The following MICAL2 variants were observed in gnomAD, a reference collection of about 807,000 sequenced individuals.
MICAL2 encodes [F-actin]-monooxygenase MICAL2.
MICAL2 carries 77 observed loss-of-function variants against 127.3 expected under a neutral mutation model. That is an observed-to-expected ratio of 0.60 (90% CI 0.50 to 0.73). The LOEUF (loss-of-function observed/expected upper bound fraction) is 0.73, where lower values mean the gene tolerates loss of function less well. Among genes scored for constraint, MICAL2 ranks in the 30% least tolerant of loss-of-function variants. The pLI is 0.00. For synonymous variants in MICAL2, 570 were observed against 551.1 expected (o/e 1.03, Z -0.48); for missense variants, 1,351 against 1,434.4 (o/e 0.94, Z 0.94).
intron 32 of MICAL2, among the ~76,000 whole-genome samples, chr11:12,328,852 G>C (rs986842087): frequency 1.3e-5 from 2 of 152,152 alleles, no homozygotes; most frequent in African/African-American, 2.4e-5. Flanking sequence ...CTGAGGCCTG[G>C]AGTTCATGCA....
chr11:12,242,303 C>T lies in MICAL2; in HGVS notation c.2427C>T (p.Ala809=). The change falls in exon 19 of 28, where the codon GCC becomes GCT. Residue 809 remains alanine, a synonymous_variant. Transcript: ENST00000683283. ...AGTGCCTGAGCAGACCTTGGAGAGC[C>T]AGAGCCAAGTCTGACCTACAGCTGG... ...GSECLSRPWR[A]RAKSDLQLGG... is the part of the protein sequence containing the mutation. The T allele has an allele frequency of 6.2e-7, 1 of 1,614,100 alleles. No individual in the cohort carries two copies. Among genetic ancestry groups the T allele is most frequent in the Non-Finnish European group, 8.5e-7 (1 of 1,179,996 alleles).
chr11:12,356,175 T>G (rs1239122497), intron 34 of MICAL2, among the ~76,000 whole-genome samples: 1 of 152,164 alleles, frequency 6.6e-6, no homozygotes, highest in Non-Finnish European at 1.5e-5. Context: ...AGGTCATAGG[T>G]TTTTCTCAAC....
At chr11:12,176,366 C>G (rs1856839384) in intron 3 of MICAL2, among the ~76,000 whole-genome samples, 1 of 152,138 alleles carries the variant, frequency 6.6e-6, no homozygotes, top group South Asian at 2.1e-4. Flanking sequence ...TAGTTGTTAT[C>G]TCATAGGGCT....
intron 2 of MICAL2, among the ~76,000 whole-genome samples, chr11:12,159,124 C>G (rs549475575): frequency 6.6e-6 from 1 of 152,338 alleles, no homozygotes. Context: ...TAGATAAGGG[C>G]TGGTTCCTGG....
intron 32 of MICAL2, among the ~76,000 whole-genome samples, chr11:12,336,360 C>T (rs12223341): frequency 0.12 from 18,858 of 152,174 alleles, 1,454 homozygotes; most frequent in South Asian, 0.22. Flanking sequence ...TGGGCTGAGA[C>T]AATGGGGTTT....
At chr11:12,178,076 G>T (rs1824375651) in intron 3 of MICAL2, among the ~76,000 whole-genome samples, 1 of 152,232 alleles carries the variant, frequency 6.6e-6, no homozygotes, top group South Asian at 2.1e-4. Flanking sequence ...CAGTTTCCAG[G>T]GAGGAGAGAA....
At chr11:12,170,930 AGAGGAG>A (rs1856172045) in intron 3 of MICAL2, among the ~76,000 whole-genome samples, 9 of 152,348 alleles carry the variant, frequency 5.9e-5, no homozygotes, top group African/African-American at 2.2e-4. Context: ...GCACAGGGAT[AGAGGAG>A]CGAACTCTGT....
At chr11:12,247,035 G>A (rs1860851390) in intron 21 of MICAL2, among the ~76,000 whole-genome samples, 1 of 152,190 alleles carries the variant, frequency 6.6e-6, no homozygotes, top group African/African-American at 2.4e-5. Context: ...GGGCTGGAGA[G>A]CTCTTCCTGT....
At chr11:12,349,540 G>A (rs1317715973) in intron 32 of MICAL2, among the ~76,000 whole-genome samples, 4 of 152,154 alleles carry the variant, frequency 2.6e-5, no homozygotes, top group Non-Finnish European at 2.9e-5. Context: ...AAGAATATAC[G>A]AGTAGGCAGG....
rs534154154 is a variant in MICAL2 at position 12,122,650 on chromosome 11, C to A, written c.-149+11924C>A. 1.1e-4 allele frequency among the ~76,000 whole-genome samples: 16 copies of A among 152,266 alleles called. No homozygotes were observed. In the South Asian group the frequency reaches 2.9e-3, roughly 28 times the overall value. ...TCTCAACCTCCTGACCTCAAGTGATCTGCCTGCCTCAGCTTCCCAAAGTGC... is the reference window on the plus strand; with the variant it reads ...TCTCAACCTCCTGACCTCAAGTGATATGCCTGCCTCAGCTTCCCAAAGTGC... On this transcript the variant is annotated intron_variant, in intron 1 of 27. Coordinates refer to ENST00000683283, the MANE Select transcript of MICAL2 (RefSeq NM_001282663.2).
At chr11:12,286,283 G>A (rs1238417561) in intron 2 of MICAL2, among the ~76,000 whole-genome samples, 1 of 152,186 alleles carries the variant, frequency 6.6e-6, no homozygotes, top group African/African-American at 2.4e-5. Flanking sequence ...TGTGGGGAAA[G>A]GGGAGGCAGA....
At chr11:12,265,887 G>A (rs1223122030), downstream of MICAL2, among the ~76,000 whole-genome samples, 2 of 152,066 alleles carry the variant, frequency 1.3e-5, no homozygotes, top group Non-Finnish European at 2.9e-5. Flanking sequence ...AGGCTGAGGC[G>A]GGCAGATCAC....
downstream of MICAL2, among the ~76,000 whole-genome samples, chr11:12,291,150 C>T (rs575700895): frequency 5.9e-5 from 9 of 152,122 alleles, no homozygotes; most frequent in East Asian, 1.9e-4. Flanking sequence ...CGTGCCACCA[C>T]GGTTCATGGG....
At chr11:12,292,219 T>G, downstream of MICAL2, 2 of 1,614,098 alleles carry the variant, frequency 1.2e-6, no homozygotes, top group East Asian at 4.5e-5. Flanking sequence ...CTTCATCGTC[T>G]TCCCATTCAT....
rs779098381 is a variant in MICAL2, at chr11:12,216,316, T to C, written c.945T>C (p.Ile315=). The change falls in exon 8 of 28, where the codon ATT becomes ATC. Residue 315 remains isoleucine (I), a synonymous_variant. Coordinates refer to ENST00000683283, the MANE Select transcript of MICAL2 (RefSeq NM_001282663.2). ...GCCTGCTCGACAAAGGTGTCATCATTAACGTACGTACCTCTTGGCTGCGAT... is the reference window on the plus strand; with the variant it reads ...GCCTGCTCGACAAAGGTGTCATCATCAACGTACGTACCTCTTGGCTGCGAT... ...KQSLLDKGVI[I]NDYIDTEMLL... The C allele has an allele frequency of 2.6e-5, 42 of 1,612,650 alleles. No homozygotes were observed. Among genetic ancestry groups the C allele is most frequent in the Admixed American group, 6.7e-5 (4 of 59,984 alleles).
intron 32 of MICAL2, among the ~76,000 whole-genome samples, chr11:12,335,142 G>A (rs77514603): frequency 0.14 from 18,348 of 129,212 alleles, 1,701 homozygotes; most frequent in African/African-American, 0.22. Flanking sequence ...AATGATTGCC[G>A]TTCTAACTGG....
In MICAL2 at chr11:12,260,347, C is replaced by T. The variant is rs991866386; in HGVS notation, c.3334+450C>T. On this transcript the variant is annotated intron_variant, in intron 26 of 27. Coordinates refer to ENST00000683283, the MANE Select transcript of MICAL2 (RefSeq NM_001282663.2). ...CTGGCCTTATCAGGGTGAACATCTACTCACGGTGCTAGGGCCAGGGATGAT... is the reference window on the plus strand; with the variant it reads ...CTGGCCTTATCAGGGTGAACATCTATTCACGGTGCTAGGGCCAGGGATGAT... 4.3e-6 allele frequency: 6 copies of T among 1,398,762 alleles called. No homozygotes were observed. The African/African-American group carries it at 8.7e-5, about 20-fold the overall frequency. 86.6% of individuals were successfully genotyped at this position (1,398,762 alleles called of 1,614,324 possible).
chr11:12,246,003 AG>A (rs1431303747), intron 21 of MICAL2, among the ~76,000 whole-genome samples: 1 of 152,204 alleles, frequency 6.6e-6, no homozygotes, highest in African/African-American at 2.4e-5. Context: ...TGGGCCCTTC[AG>A]GGTAGAGCCA....
intron 15 of MICAL2, among the ~76,000 whole-genome samples, chr11:12,234,229 T>C (rs2134402145): frequency 6.6e-6 from 1 of 152,256 alleles, no homozygotes; most frequent in Middle Eastern, 3.4e-3. Flanking sequence ...CACCCTGGGC[T>C]TGTTGAGTAC....
Sources: gnomAD v4.1 joint callset for allele counts (sites outside exome capture counted in the v4.1 genomes callset) on GRCh38, gnomAD v4.1.1 for gene constraint, MANE v1.5 for transcripts, NCBI Gene and HGNC (gene_info 2026-07-23, HGNC 2026-07-21) for gene names.